Variants in FBXL17 observed in about 807,000 individuals in gnomAD.
FBXL17 encodes the protein F-box and leucine rich repeat protein 17.
A neutral mutation model predicts 66.2 loss-of-function variants in FBXL17; 22 were observed. That is an observed-to-expected ratio of 0.33 (90% CI 0.24 to 0.47). The LOEUF is 0.47. Among genes scored for constraint, FBXL17 ranks in the 20% least tolerant of loss-of-function variants. The pLI is 1.00. For missense variants in FBXL17, 878 were observed against 948.2 expected, an observed-to-expected ratio of 0.93 and a Z score of 0.97; for synonymous variants, 474 against 400.5, an observed-to-expected ratio of 1.18 and a Z score of -2.19.
intron 6 of FBXL17, among the ~76,000 whole-genome samples, chr5:108,140,802 C>T (rs1751320875): frequency 6.6e-6 from 1 of 151,996 alleles, no homozygotes; most frequent in South Asian, 2.1e-4. Flanking sequence ...TGGTACCACC[C>T]AATTACACAA....
At chr5:108,038,430 T>C (rs1746928535) in intron 6 of FBXL17, among the ~76,000 whole-genome samples, 1 of 152,074 alleles carries the variant, frequency 6.6e-6, no homozygotes, top group Non-Finnish European at 1.5e-5. Context: ...AGATGAAATA[T>C]CAATGGCAAA....
Position 107,881,047 on chromosome 5 carries a change from C to T in FBXL17, c.1955G>A (p.Arg652Lys). The change falls in exon 8 of 9, where the codon AGA becomes AAA. Residue 652 changes from arginine (R) to lysine (K), a missense_variant. Arg to Lys is a conservative substitution (Grantham distance 26, BLOSUM62 2). Transcript: ENST00000542267. Reference protein sequence around the residue: ...SKSLRYLGLMRCDKVNEVTVE... With the variant: ...SKSLRYLGLMKCDKVNEVTVE... ...ATAGTCAACTCTTACTTTATCACAT[C>T]TCATCAGCCCCAAATATCTCAGAGA... 1 of 1,614,098 alleles carries T rather than the reference C, an allele frequency of 6.2e-7. No individual in the cohort carries two copies. The highest frequency in any genetic ancestry group is 1.3e-5 in the African/African-American group (1 of 75,048).
chr5:108,194,221 G>A (rs1311042376), intron 5 of FBXL17, among the ~76,000 whole-genome samples: 5 of 152,000 alleles, frequency 3.3e-5, no homozygotes, highest in Non-Finnish European at 7.4e-5. Flanking sequence ...CACTACGCTC[G>A]GTGAACTGTG....
chr5:108,094,693 A>C (rs993862727), intron 6 of FBXL17, among the ~76,000 whole-genome samples: 4 of 152,148 alleles, frequency 2.6e-5, no homozygotes, highest in African/African-American at 9.6e-5. Flanking sequence ...GATTCCTTTC[A>C]AAATCTGCAA....
chr5:107,866,530 G>A (rs1221636327), intron 8 of FBXL17, among the ~76,000 whole-genome samples: 1 of 152,172 alleles, frequency 6.6e-6, no homozygotes, highest in Non-Finnish European at 1.5e-5. Context: ...AGGGTGAGGA[G>A]AGAAACTTCA....
chr5:108,250,661 G>C (rs573674564), intron 4 of FBXL17, among the ~76,000 whole-genome samples: 1 of 152,174 alleles, frequency 6.6e-6, no homozygotes, highest in South Asian at 2.1e-4. Flanking sequence ...TATTGGGTTA[G>C]AATATATAAA....
chr5:108,229,320 T>G lies in FBXL17; in HGVS notation c.1507-5092A>C, dbSNP rs146003274. Among the ~76,000 whole-genome samples the G allele has an allele frequency of 6.5e-3, 994 of 152,212 alleles. 9 individuals carry two copies. The highest frequency in any genetic ancestry group is 0.023 in the African/African-American group (954 of 41,532). ...ATCACATTACAAGTTCAAACTATAC[T>G]GTAAGGCCACAGTCACCAAAACAGC... On this transcript the variant is annotated intron_variant, in intron 4 of 8. Coordinates refer to ENST00000542267, the MANE Select transcript of FBXL17 (RefSeq NM_001163315.3).
intron 6 of FBXL17, among the ~76,000 whole-genome samples, chr5:108,163,068 T>C (rs1752274912): frequency 1.3e-5 from 2 of 152,200 alleles, no homozygotes; most frequent in African/African-American, 2.4e-5. Context: ...AAAAAAGTCA[T>C]CTAGTACCAT....
intron 8 of FBXL17, among the ~76,000 whole-genome samples, chr5:107,877,677 T>G (rs1261668168): frequency 1.3e-5 from 2 of 152,092 alleles, no homozygotes; most frequent in Non-Finnish European, 2.9e-5. Context: ...GGGATCCTAC[T>G]GACACCATTC....
intron 7 of FBXL17, among the ~76,000 whole-genome samples, chr5:107,990,789 T>C (rs1753208737): frequency 6.6e-6 from 1 of 152,198 alleles, no homozygotes; most frequent in Admixed American, 6.5e-5. Context: ...ACAAGGTCCC[T>C]GTCCCCAGGG....
intron 6 of FBXL17, among the ~76,000 whole-genome samples, chr5:108,169,222 A>G (rs936279167): frequency 6.6e-6 from 1 of 152,204 alleles, no homozygotes; most frequent in African/African-American, 2.4e-5. Context: ...CTGGGAATAA[A>G]CTTGTGAGAA....
At position 107,860,485 on chromosome 5, in the gene FBXL17, A is replaced by G. The variant is rs1457902947; in HGVS notation, c.*1235T>C. ...AATCAAAACATATATTCATTTACTG[A>G]TAGGTCTTGTCTTAACTGAAGCTGG... On this transcript the variant is annotated 3_prime_UTR_variant, in exon 9 of 9. Coordinates refer to ENST00000542267, the MANE Select transcript of FBXL17 (RefSeq NM_001163315.3). The G allele has an allele frequency of 6.6e-6, 1 of 152,662 alleles. No homozygotes were observed. The highest frequency in any genetic ancestry group is 1.5e-5 in the Non-Finnish European group (1 of 68,032). The allele number at this position is 152,662 out of a possible 1,614,324, so 9.5% of individuals were successfully genotyped here. A position where few individuals can be genotyped will look rare whatever the true frequency, so the allele number is the denominator to read the frequency against.
chr5:108,055,742 C>T (rs896314584), intron 6 of FBXL17, among the ~76,000 whole-genome samples: 1 of 151,430 alleles, frequency 6.6e-6, no homozygotes, highest in East Asian at 1.9e-4. Flanking sequence ...GGACATTCAG[C>T]CTTAAAAATT....
intron 7 of FBXL17, among the ~76,000 whole-genome samples, chr5:107,883,405 T>A (rs1353779218): frequency 6.6e-6 from 1 of 152,044 alleles, no homozygotes; most frequent in South Asian, 2.1e-4. Flanking sequence ...GTGTGACATA[T>A]TGGGCCTGTG....
At chr5:108,006,725 G>A (rs1417748364) in intron 7 of FBXL17, among the ~76,000 whole-genome samples, 2 of 152,174 alleles carry the variant, frequency 1.3e-5, no homozygotes, top group Non-Finnish European at 2.9e-5. Context: ...AAGTCAAAAC[G>A]CAGCTTTAAG....
chr5:108,078,840 G>A (rs548374386), intron 6 of FBXL17, among the ~76,000 whole-genome samples: 1 of 152,244 alleles, frequency 6.6e-6, no homozygotes, highest in East Asian at 1.9e-4. Flanking sequence ...CCACTACGGG[G>A]TTAGGTAATC....
chr5:108,019,141 A>G (rs997975058), intron 7 of FBXL17, among the ~76,000 whole-genome samples: 4 of 152,092 alleles, frequency 2.6e-5, no homozygotes, highest in African/African-American at 9.7e-5. Flanking sequence ...ACACTGTGCT[A>G]CTCACGAGGT....
rs986091249 is a variant in FBXL17 at position 108,015,350 on chromosome 5, C to T, written c.1822+5575G>A. The stretch of plus-strand genomic sequence containing the variant: ...AATCAACAGTAAACATTAGGACATT[C>T]TTTTTGATTTACAAATGTCTTTTCT... On this transcript the variant is annotated intron_variant, in intron 7 of 8. Transcript: ENST00000542267. 2.0e-5 allele frequency among the ~76,000 whole-genome samples: 3 copies of T among 152,088 alleles called. No individual in the cohort carries two copies. In the South Asian group the frequency reaches 6.2e-4, roughly 32 times the overall value.
chr5:108,020,507 G>A (rs1312799852), intron 7 of FBXL17, among the ~76,000 whole-genome samples: 1 of 151,884 alleles, frequency 6.6e-6, no homozygotes, highest in Non-Finnish European at 1.5e-5. Flanking sequence ...GTGTTAAGAA[G>A]TTTGGCATTT....
Sources: allele counts gnomAD v4.1 joint callset (sites outside exome capture counted in the v4.1 genomes callset), GRCh38; gene constraint gnomAD v4.1.1; transcripts MANE v1.5; gene names NCBI Gene and HGNC (gene_info 2026-07-23, HGNC 2026-07-21).